Variants in VPS13B observed in about 807,000 individuals in gnomAD.
VPS13B encodes the protein vacuolar protein sorting 13 homolog B.
In VPS13B, 285 loss-of-function variants were observed where a neutral mutation model predicts 426.4. That is an observed-to-expected ratio of 0.67 (90% CI 0.61 to 0.74). VPS13B has a LOEUF of 0.74. VPS13B is among the 30% of genes least tolerant of loss of function. The pLI is 0.00. For missense variants in VPS13B, 4,537 were observed against 4,782.6 expected (o/e 0.95, Z 1.51); for synonymous variants, 1,676 against 1,676.4 (o/e 1.00, Z 0.01).
At chr8:99,554,221 C>T (rs1262347374) in intron 30 of VPS13B, among the ~76,000 whole-genome samples, 2 of 151,574 alleles carry the variant, frequency 1.3e-5, no homozygotes, top group Non-Finnish European at 2.9e-5. Flanking sequence ...CATTTTTTTT[C>T]CTTCAAAGGT....
intron 23 of VPS13B, among the ~76,000 whole-genome samples, chr8:99,457,606 T>C (rs1054002616): frequency 1.1e-4 from 17 of 152,128 alleles, no homozygotes; most frequent in African/African-American, 4.1e-4. Flanking sequence ...CTCCAATCTT[T>C]ACTATTTTCT....
At chr8:99,414,455 G>A (rs1815876380) in intron 21 of VPS13B, among the ~76,000 whole-genome samples, 1 of 152,058 alleles carries the variant, frequency 6.6e-6, no homozygotes, top group African/African-American at 2.4e-5. Context: ...ATTTGATCCT[G>A]TCATCATGAT....
chr8:99,657,480 G>GTGTGTGTGTGTGTC (rs1278952758), intron 34 of VPS13B, among the ~76,000 whole-genome samples: 11 of 151,610 alleles, frequency 7.3e-5, no homozygotes, highest in Non-Finnish European at 1.6e-4. Context: ...TTGTGTGTGT[G>GTGTGTGTGTGTGTC]TGTGTGTGTG....
chr8:99,415,629 A>C (rs941653011), intron 21 of VPS13B, among the ~76,000 whole-genome samples: 1 of 152,054 alleles, frequency 6.6e-6, no homozygotes, highest in Admixed American at 6.5e-5. Context: ...TGTTCATGCT[A>C]TTCCTTTCTG....
intron 33 of VPS13B, among the ~76,000 whole-genome samples, chr8:99,627,594 G>A (rs1828668268): frequency 6.6e-6 from 1 of 152,016 alleles, no homozygotes; most frequent in Non-Finnish European, 1.5e-5. Flanking sequence ...ATGTTGGCCA[G>A]GCTGGCCTTG....
At chr8:99,658,142 A>G (rs1054774407) in intron 34 of VPS13B, among the ~76,000 whole-genome samples, 2 of 152,228 alleles carry the variant, frequency 1.3e-5, no homozygotes, top group South Asian at 2.1e-4. Flanking sequence ...TTAAGAAACT[A>G]TAGGAACATA....
intron 2 of VPS13B, among the ~76,000 whole-genome samples, chr8:99,036,206 C>A (rs1469824155): frequency 1.3e-5 from 2 of 151,818 alleles, no homozygotes; most frequent in African/African-American, 4.8e-5. Context: ...TTAAAAGTAT[C>A]CCTTTTCTCT....
In VPS13B at chr8:99,777,073, G is replaced by T. The variant is rs900138638; in HGVS notation, c.7429+117G>T. 4 of 1,310,002 alleles carry T rather than the reference G, an allele frequency of 3.1e-6. No individual in the cohort carries two copies. The South Asian group carries it at 4.8e-5, about 16-fold the overall frequency. The allele number at this position is 1,310,002 out of a possible 1,614,324, so 81.1% of individuals were successfully genotyped here. The stretch of plus-strand genomic sequence containing the variant: ...AATGTATTTTCAGGAAGTATAAAGC[G>T]AGCAGTGGCAAAGTTATCCTGGGGT... On this transcript the variant is annotated intron_variant, in intron 41 of 61. Transcript: ENST00000357162.
intron 35 of VPS13B, chr8:99,697,678 G>A (rs995721217): frequency 3.0e-5 from 19 of 643,398 alleles, no homozygotes; most frequent in East Asian, 1.2e-4. Flanking sequence ...CGGGCAGATC[G>A]AGGGCTTGAT....
chr8:99,536,511 G>A (rs1347400951), intron 30 of VPS13B: 2 of 346,728 alleles, frequency 5.8e-6, no homozygotes, highest in South Asian at 4.8e-5. Flanking sequence ...TAATACCATA[G>A]TTATTTAGTG....
At chr8:99,686,586 C>T (rs1346641420) in intron 35 of VPS13B, among the ~76,000 whole-genome samples, 1 of 151,984 alleles carries the variant, frequency 6.6e-6, no homozygotes, top group Non-Finnish European at 1.5e-5. Flanking sequence ...GTCCTTCCCA[C>T]TCCTCCCTCC....
chr8:99,338,973 T>G (rs745999671), intron 19 of VPS13B, among the ~76,000 whole-genome samples: 1 of 152,158 alleles, frequency 6.6e-6, no homozygotes, highest in African/African-American at 2.4e-5. Flanking sequence ...AGAAAGTCAA[T>G]TTTTTAATTT....
chr8:99,553,931 C>G (rs964005090), intron 30 of VPS13B, among the ~76,000 whole-genome samples: 3 of 151,806 alleles, frequency 2.0e-5, no homozygotes, highest in African/African-American at 7.3e-5. Flanking sequence ...AAGTATCTGG[C>G]TATCACTCAA....
At chr8:99,530,980 T>A (rs1462808950) in intron 30 of VPS13B, among the ~76,000 whole-genome samples, 2 of 152,238 alleles carry the variant, frequency 1.3e-5, no homozygotes, top group Non-Finnish European at 2.9e-5. Context: ...GTTTATAGCA[T>A]GAAGTTTGAA....
At chr8:99,057,584 A>G (rs542885800) in intron 3 of VPS13B, among the ~76,000 whole-genome samples, 4 of 152,096 alleles carry the variant, frequency 2.6e-5, no homozygotes, top group African/African-American at 9.7e-5. Flanking sequence ...TTATCATTAT[A>G]TATTTTTTAC....
At chr8:99,175,140 C>T (rs1047302091) in intron 16 of VPS13B, among the ~76,000 whole-genome samples, 2 of 152,122 alleles carry the variant, frequency 1.3e-5, no homozygotes, top group African/African-American at 4.8e-5. Context: ...TTTGCCAGCT[C>T]TGAAAACATT....
intron 36 of VPS13B, among the ~76,000 whole-genome samples, chr8:99,709,760 A>G (rs957115377): frequency 1.3e-5 from 2 of 152,198 alleles, no homozygotes; most frequent in African/African-American, 4.8e-5. Context: ...TAAATGCAAC[A>G]TGGGATCCTG....
At chr8:99,848,753 G>A in intron 54 of VPS13B, 23 bp from the exon 55 acceptor site, 1 of 1,609,416 alleles carries the variant, frequency 6.2e-7, no homozygotes, top group Non-Finnish European at 8.5e-7. Flanking sequence ...TTTTTAATCA[G>A]ATTTTGAATA....
chr8:99,411,829 A>G (rs1431229439), intron 21 of VPS13B, among the ~76,000 whole-genome samples: 1 of 151,952 alleles, frequency 6.6e-6, no homozygotes, highest in Non-Finnish European at 1.5e-5. Flanking sequence ...TTCTTTCTCC[A>G]TTGCTTTTTT....
Sources: allele counts gnomAD v4.1 joint callset (sites outside exome capture counted in the v4.1 genomes callset), GRCh38; gene constraint gnomAD v4.1.1; transcripts MANE v1.5; gene names NCBI Gene and HGNC (gene_info 2026-07-23, HGNC 2026-07-21).